TMEM161A: variants seen among roughly 807,000 people sequenced by gnomAD.
TMEM161A encodes transmembrane protein 161A, also known as adaptive response to oxidative stress protein 29.
TMEM161A carries 46 observed loss-of-function variants against 57.1 expected under a neutral mutation model. The ratio of observed to expected loss-of-function variants is 0.81; its 90% CI spans 0.64 to 1.03. The LOEUF is 1.03. Ranked by LOEUF, TMEM161A falls within the 50% of genes least tolerant of loss-of-function variation. The probability of loss-of-function intolerance (pLI) is 0.00; values close to 1 mark genes in which losing one functional copy is unlikely to be tolerated. For missense variants in TMEM161A, 601 were observed against 621.5 expected, an observed-to-expected ratio of 0.97 and a Z score of 0.35; for synonymous variants, 288 against 279.0, an observed-to-expected ratio of 1.03 and a Z score of -0.32.
chr19:19,130,439 G>C, intron 5 of TMEM161A, 132 bp from the exon 6 acceptor site: 1 of 1,181,770 alleles, frequency 8.5e-7, no homozygotes, highest in Non-Finnish European at 1.2e-6. Context: ...ATGACCTAGA[G>C]GAGTTCGGTT....
At chr19:19,136,946 A>AC (rs988573358) in intron 1 of TMEM161A, among the ~76,000 whole-genome samples, 4 of 13,526 alleles carry the variant, frequency 3.0e-4, no homozygotes, top group African/African-American at 1.2e-3. Context: ...CTGCCCTCCC[A>AC]CCCCCCAGTC....
Position 19,119,850 on chromosome 19 carries a change from GGGGC to G in TMEM161A, c.*76_*79del. ...GCCCCACCTTGCAGCTGGGGACACG[GGGGC>G]GCAAACAGAGGGGGCAGGCTAGTGT... On this transcript the variant is annotated 3_prime_UTR_variant, in exon 12 of 12. Transcript: ENST00000162044. 1 of 1,488,378 alleles carries G rather than the reference GGGGC, an allele frequency of 6.7e-7. No homozygotes were observed. 92.2% of individuals were successfully genotyped at this position (1,488,378 alleles called of 1,614,324 possible). A position where few individuals can be genotyped will look rare whatever the true frequency, so the allele number is the denominator to read the frequency against.
At chr19:19,120,299 C>A in intron 11 of TMEM161A, 116 bp from the exon 12 acceptor site, 1 of 941,642 alleles carries the variant, frequency 1.1e-6, no homozygotes, top group Admixed American at 2.9e-5. Flanking sequence ...CTGTCTCAGA[C>A]TCCATCTCCA....
chr19:19,134,758 C>G, intron 2 of TMEM161A, 26 bp downstream of exon 2: 1 of 1,530,824 alleles, frequency 6.5e-7, no homozygotes, highest in Non-Finnish European at 8.8e-7. Context: ...TCCGCGGGCC[C>G]CTCCCACCGC....
chr19:19,130,023 TG>T, intron 6 of TMEM161A, 132 bp downstream of exon 6: 2 of 981,026 alleles, frequency 2.0e-6, no homozygotes, highest in Non-Finnish European at 3.0e-6. Flanking sequence ...TGGTCACTAA[TG>T]GGGACTGCCT....
In TMEM161A at chr19:19,134,863, C is replaced by T. The variant is rs780564424; in HGVS notation, c.28G>A (p.Val10Met). ...ATGAGGGTGGCAGTGAGCAGGGTCA[C>T]CACCAGCTGTACTCCGAGGACCGCC... MAVLGVQLV[V>M]TLLTATLMHR... Residue 10 changes from valine (V) to methionine (M), a missense_variant, in exon 2 of 12, where the codon GTG becomes ATG. Transcript: ENST00000162044. 6.3e-7 allele frequency: 1 copy of T among 1,596,750 alleles called. No homozygotes were observed. The highest frequency in any genetic ancestry group is 2.3e-5 in the East Asian group (1 of 43,756).
At chr19:19,138,324 C>G in intron 1 of TMEM161A, 102 bp downstream of exon 1, 1 of 1,514,670 alleles carries the variant, frequency 6.6e-7, no homozygotes, top group South Asian at 1.2e-5. Flanking sequence ...AGCCTCCAAT[C>G]CCCAAGAAGA....
intron 6 of TMEM161A, among the ~76,000 whole-genome samples, 198 bp downstream of exon 6, chr19:19,129,956 AGT>A (rs1484770276): frequency 6.6e-6 from 1 of 152,140 alleles, no homozygotes; most frequent in Non-Finnish European, 1.5e-5. Flanking sequence ...CATCAGAGAC[AGT>A]GAGAGAGGCA....
intron 5 of TMEM161A, among the ~76,000 whole-genome samples, chr19:19,130,809 G>A (rs1346230478): frequency 6.6e-6 from 1 of 152,130 alleles, no homozygotes; most frequent in East Asian, 1.9e-4. Context: ...TGTGGTCCCA[G>A]CTACTGGGGA....
chr19:19,130,459 T>C (rs1195956357), intron 5 of TMEM161A, 152 bp from the exon 6 acceptor site: 11 of 878,622 alleles, frequency 1.3e-5, no homozygotes, highest in Non-Finnish European at 1.7e-5. Context: ...TTTGGGGTGC[T>C]GGATCTCAGA....
chr19:19,121,574 G>C lies in TMEM161A; in HGVS notation c.751C>G (p.Gln251Glu). ...FLTFPGLRLA[Q>E]THRDALTMSE... The stretch of plus-strand genomic sequence containing the variant: ...ATGGTCAGTGCGTCCCGGTGGGTCT[G>C]GGCCAGCCGCAGGCCTGGGAAGGTG... Residue 251 changes from glutamine (Q) to glutamate (E), a missense_variant, in exon 8 of 12, where the codon CAG becomes GAG. Coordinates refer to ENST00000162044, the MANE Select transcript of TMEM161A (RefSeq NM_017814.3). The surrounding 1 kb of genome is among the most constrained non-coding windows in gnomAD (Gnocchi z 5.8). The C allele has an allele frequency of 6.2e-7, 1 of 1,613,838 alleles. No homozygotes were observed. The highest frequency in any genetic ancestry group is 8.5e-7 in the Non-Finnish European group (1 of 1,179,936).
intron 11 of TMEM161A, among the ~76,000 whole-genome samples, chr19:19,120,482 C>T (rs2059903494): frequency 6.6e-6 from 1 of 151,686 alleles, no homozygotes. Flanking sequence ...AACGCCATCC[C>T]AAACTCCACC....
In TMEM161A at chr19:19,121,470, C is replaced by T. The variant is rs748156399; in HGVS notation, c.801-49G>A. 5.6e-6 allele frequency: 9 copies of T among 1,613,584 alleles called. No homozygotes were observed. The highest frequency in any genetic ancestry group is 7.6e-6 in the Non-Finnish European group (9 of 1,179,670). On this transcript the variant is annotated intron_variant, in intron 8 of 11. Transcript: ENST00000162044. This position sits in a 1 kb window ranked among gnomAD's most constrained non-coding sequence, Gnocchi z 5.8. ...GTGAGGCCTGGGTACCCCCTCTCCT[C>T]GAGTCTCTCCCTTAAGCTCCCTAGT...
Position 19,132,620 on chromosome 19 carries a change from G to A in TMEM161A, c.286+37C>T, listed in dbSNP as rs201158945. On this transcript the variant is annotated intron_variant, in intron 4 of 11. Coordinates refer to ENST00000162044, the MANE Select transcript of TMEM161A (RefSeq NM_017814.3). The surrounding 1 kb of genome is among the most constrained non-coding windows in gnomAD (Gnocchi z 4.3). ...TGAGGGTGTGGAGACCTTCAGGGCT[G>A]AGGGAGTAGAGTTTAGGGATGGGAC... 3,740 of 1,556,204 alleles carry A rather than the reference G, an allele frequency of 2.4e-3. 8 individuals carry two copies. The highest frequency in any genetic ancestry group is 3.0e-3 in the Non-Finnish European group (3,486 of 1,149,722).
chr19:19,129,910 A>C (rs1031374207), intron 6 of TMEM161A, among the ~76,000 whole-genome samples: 20 of 152,074 alleles, frequency 1.3e-4, no homozygotes, highest in Non-Finnish European at 2.1e-4. Context: ...CATCTCAAAA[A>C]AAAAAGAAAA....
rs1426188976 is a variant in TMEM161A, at chr19:19,120,775, G to C, written c.1176C>G (p.Leu392=). Residue 392 remains leucine, a synonymous_variant, in exon 11 of 12, where the codon CTC becomes CTG. Transcript: ENST00000162044. ...LILTLNCTLL[L]KTLGGYSWGL... ...ACCGCGGCATCTCACCCAGCGTCTTGAGCAGAAGTGTGCAGTTGAGGGTGA... is the reference window on the plus strand; with the variant it reads ...ACCGCGGCATCTCACCCAGCGTCTTCAGCAGAAGTGTGCAGTTGAGGGTGA... 2 of 1,613,178 alleles carry C rather than the reference G, an allele frequency of 1.2e-6. No individual in the cohort carries two copies. The highest frequency in any genetic ancestry group is 1.7e-4 in the Middle Eastern group (1 of 6,042).
At chr19:19,129,512 G>A (rs995961946) in intron 6 of TMEM161A, among the ~76,000 whole-genome samples, 1 of 152,138 alleles carries the variant, frequency 6.6e-6, no homozygotes, top group Non-Finnish European at 1.5e-5. Flanking sequence ...TTGGGAGGCT[G>A]AGGCGGGCAG....
At chr19:19,120,672 C>A (rs1443974602) in intron 11 of TMEM161A, 93 bp downstream of exon 11, 3 of 1,061,436 alleles carry the variant, frequency 2.8e-6, no homozygotes, top group African/African-American at 1.6e-5. Flanking sequence ...CCCCGCCTCT[C>A]CCCCCCCACC....
chr19:19,135,492 C>T (rs2059981076), intron 1 of TMEM161A, among the ~76,000 whole-genome samples: 1 of 152,190 alleles, frequency 6.6e-6, no homozygotes, highest in Non-Finnish European at 1.5e-5. Flanking sequence ...GTCTATGCTC[C>T]TGGCCACCTC....
Sources: gnomAD v4.1 joint callset for allele counts (sites outside exome capture counted in the v4.1 genomes callset) on GRCh38, gnomAD v4.1.1 for gene constraint, Gnocchi (gnomAD v3.1) non-coding constraint, MANE v1.5 for transcripts, NCBI Gene and HGNC (gene_info 2026-07-23, HGNC 2026-07-21) for gene names.